The following TMTC2 variants were observed in gnomAD, a reference collection of about 807,000 sequenced individuals.
TMTC2 encodes protein O-mannosyl-transferase TMTC2.
Under a neutral mutation model 82.4 loss-of-function variants are expected in TMTC2, and 43 were observed. That is an observed-to-expected ratio of 0.52 (90% CI 0.41 to 0.67). The LOEUF (loss-of-function observed/expected upper bound fraction) is 0.67, where lower values mean the gene tolerates loss of function less well. Among genes scored for constraint, TMTC2 ranks in the 30% least tolerant of loss-of-function variants. The probability of loss-of-function intolerance (pLI) is 0.00; values close to 1 mark genes in which losing one functional copy is unlikely to be tolerated. For synonymous variants in TMTC2, 408 were observed against 381.9 expected (o/e 1.07, Z -0.80); for missense variants, 919 against 1,012.4 (o/e 0.91, Z 1.25).
intron 1 of TMTC2, chr12:82,690,512 C>T: frequency 1.5e-6 from 1 of 670,230 alleles, no homozygotes; most frequent in Non-Finnish European, 1.8e-6. Flanking sequence ...TTTGATGTAG[C>T]TTGGTTGAAA....
chr12:82,946,780 C>T lies in TMTC2; in HGVS notation c.1598+16235C>T, dbSNP rs1877021915. ...TTTTTGAGACAGAGTCTTGCTCTGT[C>T]GCCCAGGGTGAAGTGCAGTGGCGCC... is the stretch of plus-strand genomic sequence containing the variant. On this transcript the variant is annotated intron_variant, in intron 4 of 11. Coordinates refer to ENST00000321196, the MANE Select transcript of TMTC2 (RefSeq NM_152588.3). Among the ~76,000 whole-genome samples, 5 of 141,304 alleles carry T rather than the reference C, an allele frequency of 3.5e-5. No homozygotes were observed. In the South Asian group the frequency reaches 6.7e-4, roughly 19 times the overall value. The allele number at this position is 141,304 out of a possible 152,430, so 92.7% of individuals were successfully genotyped here. A position where few individuals can be genotyped will look rare whatever the true frequency, so the allele number is the denominator to read the frequency against.
chr12:82,759,154 C>A (rs1876485448), intron 1 of TMTC2: 1 of 152,184 alleles, frequency 6.6e-6, no homozygotes, highest in Non-Finnish European at 1.5e-5. Flanking sequence ...GTTGTCATCA[C>A]TGTTGTTTGA....
intron 8 of TMTC2, among the ~76,000 whole-genome samples, chr12:83,012,609 G>A (rs1184465078): frequency 6.6e-6 from 1 of 152,068 alleles, no homozygotes; most frequent in Non-Finnish European, 1.5e-5. Context: ...ATATAGGCAT[G>A]AAAAAACACA....
intron 3 of TMTC2, among the ~76,000 whole-genome samples, chr12:82,927,379 A>C (rs1852905202): frequency 6.6e-6 from 1 of 152,188 alleles, no homozygotes. Flanking sequence ...AATTGCTGTA[A>C]TCTCATGATA....
chr12:82,844,661 G>T (rs1207320755), intron 1 of TMTC2, among the ~76,000 whole-genome samples: 1 of 151,986 alleles, frequency 6.6e-6, no homozygotes, highest in Non-Finnish European at 1.5e-5. Flanking sequence ...AGTTAGCTGC[G>T]CTTGGTGGCG....
intron 1 of TMTC2, among the ~76,000 whole-genome samples, chr12:82,777,674 T>C (rs1877667639): frequency 6.6e-6 from 1 of 152,176 alleles, no homozygotes; most frequent in South Asian, 2.1e-4. Flanking sequence ...TGAGGTTGCC[T>C]TGCTCACAAA....
At chr12:82,817,244 C>T (rs899177703) in intron 1 of TMTC2, among the ~76,000 whole-genome samples, 1 of 152,120 alleles carries the variant, frequency 6.6e-6, no homozygotes, top group Non-Finnish European at 1.5e-5. Flanking sequence ...GCTGGGATTA[C>T]AGGCATGAGC....
rs1216949098 is a variant in TMTC2, at chr12:82,886,057, T to G, written c.655-9761T>G. 3.2e-4 allele frequency among the ~76,000 whole-genome samples: 49 copies of G among 152,232 alleles called. 1 individual carries two copies. The highest frequency in any genetic ancestry group is 3.2e-3 in the Admixed American group (49 of 15,278). On this transcript the variant is annotated intron_variant, in intron 2 of 11. Transcript: ENST00000321196. ...GACTCATGAATATTTATTTTATACT[T>G]TGGGTTATAATCCACTGCCACTTTA... is the stretch of plus-strand genomic sequence containing the variant.
At chr12:82,874,586 T>C (rs1272064553) in intron 2 of TMTC2, among the ~76,000 whole-genome samples, 1 of 152,184 alleles carries the variant, frequency 6.6e-6, no homozygotes, top group East Asian at 1.9e-4. Flanking sequence ...GGCTATACAT[T>C]TTGTGTTTCA....
At chr12:82,982,813 A>C (rs147119659) in intron 7 of TMTC2, among the ~76,000 whole-genome samples, 47 of 152,114 alleles carry the variant, frequency 3.1e-4, no homozygotes, top group African/African-American at 1.1e-3. Context: ...TAGTGAAGGC[A>C]ATCAATGAGT....
intron 2 of TMTC2, among the ~76,000 whole-genome samples, chr12:82,894,383 C>T (rs1444749806): frequency 6.6e-6 from 1 of 152,152 alleles, no homozygotes; most frequent in African/African-American, 2.4e-5. Flanking sequence ...GTCTGAGGAG[C>T]AGAGTCCAGT....
chr12:82,843,140 G>A (rs112001936), intron 1 of TMTC2, among the ~76,000 whole-genome samples: 16,971 of 150,554 alleles, frequency 0.11, 1,760 homozygotes, highest in African/African-American at 0.28. Flanking sequence ...TTTTTGTCTC[G>A]CAGTAGCACA....
chr12:82,860,244 T>C (rs1311663392), intron 2 of TMTC2, among the ~76,000 whole-genome samples: 1 of 152,172 alleles, frequency 6.6e-6, no homozygotes, highest in East Asian at 1.9e-4. Context: ...AGTGCTGGGA[T>C]TACAGGCGTG....
chr12:82,837,895 A>G (rs1474497893), intron 1 of TMTC2, among the ~76,000 whole-genome samples: 2 of 152,206 alleles, frequency 1.3e-5, no homozygotes, highest in African/African-American at 4.8e-5. Context: ...TTTGGAGATT[A>G]TAGAGTAACA....
At chr12:82,902,170 G>T (rs1332218194) in intron 3 of TMTC2, among the ~76,000 whole-genome samples, 1 of 152,140 alleles carries the variant, frequency 6.6e-6, no homozygotes, top group Non-Finnish European at 1.5e-5. Flanking sequence ...CTCTCCTACT[G>T]CCAGAGCCAG....
intron 9 of TMTC2, among the ~76,000 whole-genome samples, 163 bp from the exon 10 acceptor site, chr12:83,050,741 C>G (rs1882315669): frequency 6.6e-6 from 1 of 151,898 alleles, no homozygotes. Context: ...TGAAATGTTC[C>G]ATAGTTAAGC....
chr12:83,090,813 C>G (rs934044244), intron 11 of TMTC2, among the ~76,000 whole-genome samples: 2 of 152,162 alleles, frequency 1.3e-5, no homozygotes, highest in African/African-American at 4.8e-5. Flanking sequence ...TGTCAGATTC[C>G]TCTTACACCA....
intron 2 of TMTC2, among the ~76,000 whole-genome samples, chr12:82,864,643 A>C (rs1012057147): frequency 1.1e-4 from 17 of 150,950 alleles, no homozygotes; most frequent in African/African-American, 4.1e-4. Context: ...CTGGGACTAC[A>C]GGCACACACC....
chr12:83,080,408 G>A (rs370010326), intron 11 of TMTC2, among the ~76,000 whole-genome samples: 10 of 151,916 alleles, frequency 6.6e-5, no homozygotes, highest in African/African-American at 2.2e-4. Context: ...TGTAATGAAT[G>A]ATTAGCTAAG....
Sources: gnomAD v4.1 joint callset for allele counts (sites outside exome capture counted in the v4.1 genomes callset) on GRCh38, gnomAD v4.1.1 for gene constraint, MANE v1.5 for transcripts, NCBI Gene and HGNC (gene_info 2026-07-23, HGNC 2026-07-21) for gene names.